ADAMTSL1: variants seen among roughly 807,000 people sequenced by gnomAD.
ADAMTSL1 encodes the protein ADAMTS-like protein 1.
A neutral mutation model predicts 201.8 loss-of-function variants in ADAMTSL1; 126 were observed. The observed-to-expected ratio is 0.62, with a 90% CI of 0.54 to 0.72. ADAMTSL1 has a LOEUF of 0.72. Among genes scored for constraint, ADAMTSL1 ranks in the 30% least tolerant of loss-of-function variants. The pLI is 0.00. For synonymous variants in ADAMTSL1, 1,121 were observed against 903.4 expected, an observed-to-expected ratio of 1.24 and a Z score of -4.32; for missense variants, 2,679 against 2,277.8, an observed-to-expected ratio of 1.18 and a Z score of -3.59.
chr9:17,993,486 T>G (rs1819246522), intron 1 of ADAMTSL1, among the ~76,000 whole-genome samples: 1 of 152,172 alleles, frequency 6.6e-6, no homozygotes, highest in Admixed American at 6.6e-5. Flanking sequence ...ATAGAAATTC[T>G]TTGGCTATTG....
intron 1 of ADAMTSL1, among the ~76,000 whole-genome samples, chr9:18,124,077 GTTT>G (rs1157492042): frequency 9.3e-4 from 66 of 70,812 alleles, no homozygotes; most frequent in African/African-American, 2.1e-3. Context: ...TTATTTGCCA[GTTT>G]TTTTTTTTTT....
At chr9:17,982,974 A>G (rs1319794182) in intron 1 of ADAMTSL1, among the ~76,000 whole-genome samples, 1 of 150,218 alleles carries the variant, frequency 6.7e-6, no homozygotes, top group East Asian at 2.0e-4. Flanking sequence ...AGAGATTGTG[A>G]GTTAAGTTGG....
chr9:18,729,656 C>T (rs944253244), intron 15 of ADAMTSL1, among the ~76,000 whole-genome samples: 16 of 152,188 alleles, frequency 1.1e-4, no homozygotes, highest in African/African-American at 3.1e-4. Context: ...TATTGAATGC[C>T]TGCATTGTGC....
At chr9:18,431,958 A>T (rs1819512277) in intron 2 of ADAMTSL1, among the ~76,000 whole-genome samples, 1 of 152,218 alleles carries the variant, frequency 6.6e-6, no homozygotes, top group African/African-American at 2.4e-5. Flanking sequence ...TGAATTTTAC[A>T]AAGTTTATAG....
chr9:18,559,626 C>A (rs1013952326), intron 3 of ADAMTSL1, among the ~76,000 whole-genome samples: 15 of 152,276 alleles, frequency 9.9e-5, no homozygotes, highest in African/African-American at 3.4e-4. Context: ...GATATTGATT[C>A]TTCCTACCCA....
chr9:18,768,543 A>G (rs890269777), intron 16 of ADAMTSL1, among the ~76,000 whole-genome samples: 6 of 139,282 alleles, frequency 4.3e-5, no homozygotes, highest in Admixed American at 2.9e-4. Context: ...CAATGCTTCA[A>G]TGGGTAGGTA....
intron 2 of ADAMTSL1, among the ~76,000 whole-genome samples, chr9:18,290,968 A>C (rs1041889854): frequency 1.3e-5 from 2 of 152,014 alleles, no homozygotes; most frequent in Non-Finnish European, 2.9e-5. Context: ...TATTTAGTAG[A>C]GTCGGGGTTT....
At position 18,176,337 on chromosome 9, in the gene ADAMTSL1, TA is replaced by T. The variant is rs796422509; in HGVS notation, c.207+12360del. Among the ~76,000 whole-genome samples, 5 of 152,264 alleles carry T rather than the reference TA, an allele frequency of 3.3e-5. No individual in the cohort carries two copies. In the South Asian group the frequency reaches 1.0e-3, roughly 32 times the overall value. ...TAGTAACAACAATAGTAATAATTAT[TA>T]AAATGTGAGCAATAGTAATGGGAGT... On this transcript the variant is annotated intron_variant, in intron 2 of 29. Transcript: ENST00000680146.
intron 1 of ADAMTSL1, among the ~76,000 whole-genome samples, chr9:18,481,184 T>G (rs1480866821): frequency 2.0e-5 from 3 of 152,206 alleles, no homozygotes; most frequent in Non-Finnish European, 4.4e-5. Context: ...CCACACTTCT[T>G]GAATATCCCT....
intron 18 of ADAMTSL1, 82 bp from the exon 19 acceptor site, chr9:18,776,699 C>A: frequency 3.6e-6 from 5 of 1,404,702 alleles, no homozygotes; most frequent in Non-Finnish European, 4.7e-6. Context: ...TTCCTTTGCC[C>A]CTCTCTCCTG....
chr9:18,586,804 C>T lies in ADAMTSL1; in HGVS notation c.474+12538C>T, dbSNP rs370270874. Among the ~76,000 whole-genome samples, 9 of 152,126 alleles carry T rather than the reference C, an allele frequency of 5.9e-5. No individual in the cohort carries two copies. In the East Asian group the frequency reaches 1.5e-3, roughly 26 times the overall value. ...AGAAATAAGGCCACACACCTATGACCGTCTGATCTTTGACAAAGATGACAA... is the reference window on the plus strand; with the variant it reads ...AGAAATAAGGCCACACACCTATGACTGTCTGATCTTTGACAAAGATGACAA... On this transcript the variant is annotated intron_variant, in intron 4 of 28. Coordinates refer to ENST00000380548, the MANE Select transcript of ADAMTSL1 (RefSeq NM_001040272.6).
chr9:18,745,368 G>T (rs2133570690), intron 15 of ADAMTSL1, among the ~76,000 whole-genome samples: 1 of 152,110 alleles, frequency 6.6e-6, no homozygotes, highest in African/African-American at 2.4e-5. Flanking sequence ...CTATCAAATT[G>T]TCCCAGACAG....
chr9:18,678,250 C>T (rs1468314388), intron 10 of ADAMTSL1, among the ~76,000 whole-genome samples: 1 of 152,088 alleles, frequency 6.6e-6, no homozygotes, highest in Non-Finnish European at 1.5e-5. Context: ...TGTATAAATT[C>T]ATTCAATGTT....
At chr9:17,968,666 AG>A (rs1344794382) in intron 1 of ADAMTSL1, among the ~76,000 whole-genome samples, 2 of 152,120 alleles carry the variant, frequency 1.3e-5, no homozygotes, top group African/African-American at 4.8e-5. Context: ...ATCTGTTTCC[AG>A]GTCTTACAGA....
intron 1 of ADAMTSL1, among the ~76,000 whole-genome samples, chr9:17,918,711 A>C (rs1826196095): frequency 1.3e-5 from 2 of 151,892 alleles, no homozygotes; most frequent in African/African-American, 4.8e-5. Context: ...CCATTGTTCA[A>C]GTCTTCCATA....
chr9:17,928,743 C>G (rs1186462027), intron 1 of ADAMTSL1, among the ~76,000 whole-genome samples: 1 of 152,104 alleles, frequency 6.6e-6, no homozygotes, highest in Admixed American at 6.5e-5. Flanking sequence ...GATCCTATCT[C>G]TAACAAGAAC....
At chr9:18,768,740 C>A (rs72690532) in intron 16 of ADAMTSL1, among the ~76,000 whole-genome samples, 14,535 of 152,116 alleles carry the variant, frequency 0.096, 774 homozygotes, top group Non-Finnish European at 0.12. Flanking sequence ...AGCTCTGTGA[C>A]CTCAAGCCAT....
intron 4 of ADAMTSL1, among the ~76,000 whole-genome samples, chr9:18,579,386 C>A (rs1392865432): frequency 1.4e-5 from 2 of 147,150 alleles, no homozygotes; most frequent in East Asian, 2.0e-4. Context: ...GGGAGATATA[C>A]CTAATGCTAG....
intron 2 of ADAMTSL1, among the ~76,000 whole-genome samples, chr9:18,210,019 G>A (rs1479184475): frequency 6.6e-6 from 1 of 152,020 alleles, no homozygotes; most frequent in East Asian, 1.9e-4. Flanking sequence ...AACAAAGTCT[G>A]CTTTATAAGT....
Sources: gnomAD v4.1 joint callset for allele counts (sites outside exome capture counted in the v4.1 genomes callset) on GRCh38, gnomAD v4.1.1 for gene constraint, MANE v1.5 for transcripts, NCBI Gene and HGNC (gene_info 2026-07-23, HGNC 2026-07-21) for gene names.